The following PCNX4 variants were observed in gnomAD, a reference collection of about 807,000 sequenced individuals.
The protein encoded by PCNX4 is pecanex 4, also known as pecanex-like protein 4.
In PCNX4, 103 loss-of-function variants were observed where a neutral mutation model predicts 107.2. That is an observed-to-expected ratio of 0.96 (90% CI 0.82 to 1.13). PCNX4 has a LOEUF of 1.13. Ranked by LOEUF, PCNX4 falls within the 50% of genes most tolerant of loss-of-function variation. The pLI is 0.00. For synonymous variants in PCNX4, 541 were observed against 481.7 expected, an observed-to-expected ratio of 1.12 and a Z score of -1.61; for missense variants, 1,528 against 1,379.4, an observed-to-expected ratio of 1.11 and a Z score of -1.71.
chr14:60,099,507 T>C (rs1895489788), intron 1 of PCNX4, among the ~76,000 whole-genome samples: 1 of 152,212 alleles, frequency 6.6e-6, no homozygotes, highest in Non-Finnish European at 1.5e-5. Flanking sequence ...CCAGAATTGC[T>C]TCTACCAAAA....
rs1895464718 is a variant in PCNX4 at position 60,098,251 on chromosome 14, TCC to T, written c.-54+5836_-54+5837del. Among the ~76,000 whole-genome samples the T allele has an allele frequency of 2.0e-5, 3 of 152,120 alleles. No individual in the cohort carries two copies. The South Asian group carries it at 6.2e-4, about 32-fold the overall frequency. On this transcript the variant is annotated intron_variant, in intron 1 of 10. Coordinates refer to ENST00000406854, the MANE Select transcript of PCNX4 (RefSeq NM_001330177.2). ...ACATTCCAACCCTACCATAAGCTTC[TCC>T]CCCATGCAGAAACATTCCAAACCTG...
Position 60,141,353 on chromosome 14 carries a change from CAA to C in PCNX4, c.*7137_*7138del, listed in dbSNP as rs1171489531. On this transcript the variant is annotated 3_prime_UTR_variant, in exon 11 of 11. Coordinates refer to ENST00000406854, the MANE Select transcript of PCNX4 (RefSeq NM_001330177.2). Reference sequence around the variant, plus strand: ...ATACATAAACAAAAAACTGGTTCTTCAAAAAACAATCAAGAAAATCCATAAAC... The same window carrying C: ...ATACATAAACAAAAAACTGGTTCTTCAAAACAATCAAGAAAATCCATAAAC... 6.6e-6 allele frequency: 1 copy of C among 151,022 alleles called. No homozygotes were observed. Among genetic ancestry groups the C allele is most frequent in the Non-Finnish European group, 1.5e-5 (1 of 67,930 alleles). 9.4% of individuals were successfully genotyped at this position (151,022 alleles called of 1,614,324 possible).
chr14:60,113,893 T>C (rs1895786966), intron 2 of PCNX4, among the ~76,000 whole-genome samples: 1 of 152,214 alleles, frequency 6.6e-6, no homozygotes, highest in Non-Finnish European at 1.5e-5. Flanking sequence ...AATTAAATTA[T>C]TTGAAGCAGT....
chr14:60,104,773 T>A (rs1156845859), intron 1 of PCNX4, among the ~76,000 whole-genome samples: 3 of 152,110 alleles, frequency 2.0e-5, no homozygotes, highest in Non-Finnish European at 2.9e-5. Flanking sequence ...ACCACCCCCA[T>A]GATTCAATTA....
At position 60,115,932 on chromosome 14, in the gene PCNX4, A is replaced by T; in HGVS notation, c.1459-9A>T. ...TACCTGATAAAAATGGATAATTTGT[A>T]TACTGCAGGTATGGCAGAATACAGA... On this transcript the variant is annotated splice_polypyrimidine_tract_variant and intron_variant, in intron 5 of 10. Transcript: ENST00000406854. 1 of 1,605,468 alleles carries T rather than the reference A, an allele frequency of 6.2e-7. No homozygotes were observed. Among genetic ancestry groups the T allele is most frequent in the Non-Finnish European group, 8.5e-7 (1 of 1,175,368 alleles).
In PCNX4 at chr14:60,125,688, C is replaced by G; in HGVS notation, c.3132C>G (p.Asp1044Glu). Residue 1044 changes from aspartate to glutamate, a missense_variant, in exon 10 of 11, where the codon GAC becomes GAG. By Grantham distance (45) the Asp-to-Glu change is conservative (BLOSUM62 2). Coordinates refer to ENST00000406854, the MANE Select transcript of PCNX4 (RefSeq NM_001330177.2). Reference protein sequence around the residue: ...IDKASLGPIEDFRELIKYLEE... With the variant: ...IDKASLGPIEEFRELIKYLEE... The stretch of plus-strand genomic sequence containing the variant: ...AAGCAAGTTTAGGTCCAATAGAAGA[C>G]TTTAGAGAACTGATTAAGTACCTTG... 1 of 1,593,650 alleles carries G rather than the reference C, an allele frequency of 6.3e-7. No homozygotes were observed. The highest frequency in any genetic ancestry group is 8.5e-7 in the Non-Finnish European group (1 of 1,170,120).
intron 2 of PCNX4, chr14:60,110,494 C>G (rs773592366): frequency 4.8e-5 from 8 of 167,102 alleles, no homozygotes; most frequent in Non-Finnish European, 7.3e-5. Context: ...TTCTCAAGCT[C>G]TAAGATCTAA....
At chr14:60,099,680 A>G (rs1039578867) in intron 1 of PCNX4, among the ~76,000 whole-genome samples, 6 of 152,230 alleles carry the variant, frequency 3.9e-5, no homozygotes, top group Admixed American at 1.3e-4. Flanking sequence ...CATAGAAGGA[A>G]GAGTAACACA....
chr14:60,108,211 A>G lies in PCNX4; in HGVS notation c.573A>G (p.Leu191=), dbSNP rs747970481. ...WMTLCIAEYS[L]IVNTATETAT... The stretch of plus-strand genomic sequence containing the variant: ...CACTATGTATAGCAGAATATTCTTT[A>G]ATTGTAAACACAGCTACAGAGACTG... Residue 191 remains leucine, a synonymous_variant, in exon 2 of 11, where the codon TTA becomes TTG. Coordinates refer to ENST00000406854, the MANE Select transcript of PCNX4 (RefSeq NM_001330177.2). 6.2e-6 allele frequency: 10 copies of G among 1,612,670 alleles called. No homozygotes were observed. In the African/African-American group the frequency reaches 1.2e-4, roughly 19 times the overall value.
chr14:60,118,381 C>T lies in PCNX4; in HGVS notation c.1631C>T (p.Ala544Val), dbSNP rs865978934. 6.2e-7 allele frequency: 1 copy of T among 1,612,970 alleles called. No individual in the cohort carries two copies. The change falls in exon 7 of 11, where the codon GCC becomes GTC. Residue 544 changes from alanine (A) to valine (V), a missense_variant. By Grantham distance (64) the Ala-to-Val change is moderately conservative. Transcript: ENST00000406854. ...LIQFISKLQFAVTVLLTSWTE... is the reference protein window; with the variant it reads ...LIQFISKLQFVVTVLLTSWTE... Reference sequence around the variant, plus strand: ...CAGTTCATCTCTAAATTGCAGTTTGCCGTGACTGTGCTTTTGACATCATGG... The same window carrying T: ...CAGTTCATCTCTAAATTGCAGTTTGTCGTGACTGTGCTTTTGACATCATGG...
At chr14:60,096,343 T>C (rs1895424996) in intron 1 of PCNX4, among the ~76,000 whole-genome samples, 1 of 152,254 alleles carries the variant, frequency 6.6e-6, no homozygotes, top group Middle Eastern at 3.2e-3. Flanking sequence ...CTCATGCAGC[T>C]ATCATTCAGG....
chr14:60,128,137 G>A (rs1033949104), intron 10 of PCNX4, among the ~76,000 whole-genome samples: 9 of 151,322 alleles, frequency 5.9e-5, no homozygotes, highest in Non-Finnish European at 1.3e-4. Flanking sequence ...ACTTAGTATC[G>A]GAAGGAGAGG....
Position 60,093,314 on chromosome 14 carries a change from A to C in PCNX4, c.-54+895A>C, listed in dbSNP as rs1895346997. On this transcript the variant is annotated intron_variant, in intron 1 of 10. Transcript: ENST00000406854. ...AAGTTTGGAACATTTTCATCACCCC[A>C]AAAAGAAACCTTTTACCCTCAGCAG... Among the ~76,000 whole-genome samples the C allele has an allele frequency of 2.6e-5, 4 of 152,234 alleles. No individual in the cohort carries two copies. The South Asian group carries it at 8.3e-4, about 32-fold the overall frequency.
Position 60,144,956 on chromosome 14 carries a change from G to A in PCNX4, c.*10735G>A, listed in dbSNP as rs1044544608. 9.4e-6 allele frequency: 15 copies of A among 1,602,046 alleles called. No homozygotes were observed. In the African/African-American group the frequency reaches 1.9e-4, roughly 20 times the overall value. On this transcript the variant is annotated 3_prime_UTR_variant, in exon 11 of 11. Coordinates refer to ENST00000406854, the MANE Select transcript of PCNX4 (RefSeq NM_001330177.2). ...TCCCTCCAGTGGCTTGAAAAGTACA[G>A]GTGCTCTTTTCAGTCATGTTTTGTC...
At chr14:60,128,317 C>G (rs1896092897) in intron 10 of PCNX4, among the ~76,000 whole-genome samples, 1 of 152,080 alleles carries the variant, frequency 6.6e-6, no homozygotes, top group Non-Finnish European at 1.5e-5. Flanking sequence ...AATCCAAAGA[C>G]CAGGAGAAAA....
At chr14:60,123,163 G>T (rs1039244056) in intron 8 of PCNX4, among the ~76,000 whole-genome samples, 1 of 152,094 alleles carries the variant, frequency 6.6e-6, no homozygotes. Flanking sequence ...AAATGATATG[G>T]TTTAATAATA....
chr14:60,093,457 T>C (rs369858970), intron 1 of PCNX4, among the ~76,000 whole-genome samples: 2 of 152,286 alleles, frequency 1.3e-5, no homozygotes, highest in East Asian at 3.9e-4. Context: ...GAAAATACAA[T>C]ATGTGGCCTT....
At chr14:60,126,855 A>G (rs1291839047) in intron 10 of PCNX4, among the ~76,000 whole-genome samples, 2 of 152,182 alleles carry the variant, frequency 1.3e-5, no homozygotes, top group Non-Finnish European at 1.5e-5. Flanking sequence ...TTGCCCACTC[A>G]TAATGTGGAG....
At position 60,098,874 on chromosome 14, in the gene PCNX4, G is replaced by C. The variant is rs1289399873; in HGVS notation, c.-54+6455G>C. 1.3e-5 allele frequency among the ~76,000 whole-genome samples: 2 copies of C among 151,654 alleles called. 1 individual carries two copies. The highest frequency in any genetic ancestry group is 4.2e-4 in the South Asian group (2 of 4,808). ...AATCGCTTGAACCCGAGAGGCGGAG[G>C]TTGCAGTGAGCCGAGATCATGCCAT... is the stretch of plus-strand genomic sequence containing the variant. On this transcript the variant is annotated intron_variant, in intron 1 of 10. Transcript: ENST00000406854.
Sources: gnomAD v4.1 joint callset for allele counts (sites outside exome capture counted in the v4.1 genomes callset) on GRCh38, gnomAD v4.1.1 for gene constraint, MANE v1.5 for transcripts, NCBI Gene and HGNC (gene_info 2026-07-23, HGNC 2026-07-21) for gene names.